Variants in COL26A1 observed in about 807,000 individuals in gnomAD.
COL26A1 encodes the protein collagen type XXVI alpha 1 chain.
In COL26A1, 41 loss-of-function variants were observed where a neutral mutation model predicts 59.3. The observed-to-expected ratio is 0.69, with a 90% CI of 0.54 to 0.90. COL26A1 has a LOEUF of 0.90. Ranked by LOEUF, COL26A1 falls within the 40% of genes least tolerant of loss-of-function variation. COL26A1 has a pLI of 0.00. For synonymous variants in COL26A1, 266 were observed against 256.0 expected (o/e 1.04, Z -0.37); for missense variants, 612 against 602.3 (o/e 1.02, Z -0.17).
chr7:101,417,648 C>G (rs1792406855), intron 1 of COL26A1, among the ~76,000 whole-genome samples: 1 of 37,064 alleles, frequency 2.7e-5, no homozygotes, highest in South Asian at 1.7e-3. Context: ...ATCTCTATAT[C>G]TAGACATAGA....
rs376820040 is a variant in COL26A1, at chr7:101,432,982, G to A, written c.281+12883G>A. ...CTCCCAAAGTGCTGGGATTACAGGC[G>A]TAAGCCACTGTATCTGGTGAAGAAG... On this transcript the variant is annotated intron_variant, in intron 2 of 12. Transcript: ENST00000313669. Among the ~76,000 whole-genome samples the A allele has an allele frequency of 6.6e-5, 10 of 152,290 alleles. No individual in the cohort carries two copies. The East Asian group carries it at 1.5e-3, about 24-fold the overall frequency.
chr7:101,467,557 A>G (rs1020668092), intron 3 of COL26A1, among the ~76,000 whole-genome samples: 5 of 151,668 alleles, frequency 3.3e-5, no homozygotes, highest in Non-Finnish European at 5.9e-5. Flanking sequence ...CTTCCTGTAC[A>G]CATGGTTGAC....
At chr7:101,490,208 T>C (rs1191829548) in intron 3 of COL26A1, among the ~76,000 whole-genome samples, 2 of 151,686 alleles carry the variant, frequency 1.3e-5, no homozygotes. Context: ...AGTGCTGGAA[T>C]TACAGGTGTG....
At chr7:101,387,770 A>ATTTTTTTTTTTTTTTTTTTTT (rs1304839639) in intron 1 of COL26A1, among the ~76,000 whole-genome samples, 1 of 36,530 alleles carries the variant, frequency 2.7e-5, no homozygotes, top group African/African-American at 7.6e-5. Flanking sequence ...ATATATATAT[A>ATTTTTTTTTTTTTTTTTTTTT]TATATATATT....
intron 3 of COL26A1, among the ~76,000 whole-genome samples, chr7:101,476,431 G>C (rs189433152): frequency 3.6e-4 from 55 of 152,158 alleles, no homozygotes; most frequent in Non-Finnish European, 6.3e-4. Context: ...CTATAAAATA[G>C]AATAAGAGCT....
chr7:101,544,473 C>G (rs1013095765), intron 6 of COL26A1, among the ~76,000 whole-genome samples: 31 of 150,734 alleles, frequency 2.1e-4, no homozygotes, highest in African/African-American at 7.1e-4. Flanking sequence ...ATGATCCACC[C>G]ACCTTGGCCT....
chr7:101,442,323 GTCTT>G lies in COL26A1; in HGVS notation c.282-5355_282-5352del, dbSNP rs1308803948. ...TTGTGAGCCCTTTCTGTTTTTCTAGGTCTTTCTTTTTTTTTTTTTTTGAGACAGA... is the reference window on the plus strand; with the variant it reads ...TTGTGAGCCCTTTCTGTTTTTCTAGGTCTTTTTTTTTTTTTTTGAGACAGA... On this transcript the variant is annotated intron_variant, in intron 2 of 12. Coordinates refer to ENST00000313669, the MANE Select transcript of COL26A1 (RefSeq NM_001278563.3). 1.0e-4 allele frequency among the ~76,000 whole-genome samples: 13 copies of G among 125,712 alleles called. No individual in the cohort carries two copies. In the South Asian group the frequency reaches 1.6e-3, roughly 16 times the overall value. 82.5% of individuals were successfully genotyped at this position (125,712 alleles called of 152,430 possible). A position where few individuals can be genotyped will look rare whatever the true frequency, so the allele number is the denominator to read the frequency against.
At chr7:101,426,130 A>G (rs932630188) in intron 2 of COL26A1, among the ~76,000 whole-genome samples, 1 of 151,962 alleles carries the variant, frequency 6.6e-6, no homozygotes, top group African/African-American at 2.4e-5. Context: ...AGGCCAGCAT[A>G]ATTTTTTAGC....
intron 3 of COL26A1, among the ~76,000 whole-genome samples, chr7:101,531,252 T>G (rs1250095060): frequency 6.6e-6 from 1 of 152,212 alleles, no homozygotes; most frequent in Non-Finnish European, 1.5e-5. Context: ...ATTATAGGCG[T>G]GAGCCACCAC....
At chr7:101,430,430 A>G (rs1453980402) in intron 2 of COL26A1, among the ~76,000 whole-genome samples, 1 of 151,640 alleles carries the variant, frequency 6.6e-6, no homozygotes, top group Non-Finnish European at 1.5e-5. Context: ...CTGGGATTAC[A>G]GGCACGCAGC....
chr7:101,430,260 AT>A (rs1792747580), intron 2 of COL26A1, among the ~76,000 whole-genome samples: 1 of 151,932 alleles, frequency 6.6e-6, no homozygotes, highest in African/African-American at 2.4e-5. Context: ...GTAAAGCTGT[AT>A]TTTTAATTTC....
chr7:101,409,482 A>G (rs917081627), intron 1 of COL26A1, among the ~76,000 whole-genome samples: 1 of 152,240 alleles, frequency 6.6e-6, no homozygotes, highest in Admixed American at 6.5e-5. Flanking sequence ...ACCGAACAGA[A>G]GAATGTACAT....
rs1265602127 is a variant in COL26A1, at chr7:101,489,769, T to C, written c.385+41982T>C. Among the ~76,000 whole-genome samples the C allele has an allele frequency of 2.8e-3, 9 of 3,214 alleles. 2 individuals carry two copies. Among genetic ancestry groups the C allele is most frequent in the Admixed American group, 0.011 (3 of 276 alleles). The allele number at this position is 3,214 out of a possible 152,430, so 2.1% of individuals were successfully genotyped here. The stretch of plus-strand genomic sequence containing the variant: ...TCTTTCTTGTCTCTCTTTCTTTCTT[T>C]CTTTCTTTCTTTCTTTCTTTCTTTC... On this transcript the variant is annotated intron_variant, in intron 3 of 12. Transcript: ENST00000313669.
At chr7:101,368,917 C>CAA (rs959668673) in intron 1 of COL26A1, among the ~76,000 whole-genome samples, 65 of 90,824 alleles carry the variant, frequency 7.2e-4, no homozygotes, top group Non-Finnish European at 1.1e-3. Flanking sequence ...TGGCTCTTTC[C>CAA]AAAAAAAAAA....
In COL26A1 at chr7:101,545,132, C is replaced by T. The variant is rs1406476891; in HGVS notation, c.704-206C>T. ...CCTCCCAAGCTGCCACTAAGTGTCC[C>T]CTCTGGACTGGGCTGGGAAGGGAAG... On this transcript the variant is annotated intron_variant, in intron 6 of 12. Coordinates refer to ENST00000313669, the MANE Select transcript of COL26A1 (RefSeq NM_001278563.3). Among the ~76,000 whole-genome samples, 5 of 152,266 alleles carry T rather than the reference C, an allele frequency of 3.3e-5. No individual in the cohort carries two copies. In the East Asian group the frequency reaches 9.7e-4, roughly 29 times the overall value.
intron 3 of COL26A1, among the ~76,000 whole-genome samples, chr7:101,500,534 CG>C (rs1794679761): frequency 6.6e-6 from 1 of 152,182 alleles, no homozygotes; most frequent in Non-Finnish European, 1.5e-5. Context: ...TCTAAAATAC[CG>C]GACCGGGCGC....
chr7:101,492,184 C>T (rs1026722772), intron 3 of COL26A1, among the ~76,000 whole-genome samples: 4 of 152,088 alleles, frequency 2.6e-5, no homozygotes, highest in Non-Finnish European at 5.9e-5. Flanking sequence ...GCTCTTTCCT[C>T]TTGTCCAGAC....
chr7:101,505,059 G>T (rs1794779659), intron 3 of COL26A1, among the ~76,000 whole-genome samples: 1 of 152,204 alleles, frequency 6.6e-6, no homozygotes, highest in African/African-American at 2.4e-5. Context: ...AGAGGCTGAG[G>T]GAGGAGGATG....
intron 1 of COL26A1, among the ~76,000 whole-genome samples, chr7:101,395,017 TGCC>T (rs1791824166): frequency 6.6e-6 from 1 of 151,450 alleles, no homozygotes; most frequent in Non-Finnish European, 1.5e-5. Context: ...TGATTACAGG[TGCC>T]TGCCACCATG....
Sources: allele counts gnomAD v4.1 joint callset (sites outside exome capture counted in the v4.1 genomes callset), GRCh38; gene constraint gnomAD v4.1.1; transcripts MANE v1.5; gene names NCBI Gene and HGNC (gene_info 2026-07-23, HGNC 2026-07-21).